The following RALY variants were observed in gnomAD, a reference collection of about 807,000 sequenced individuals.
RALY encodes the protein RNA-binding protein Raly.
Under a neutral mutation model 30.7 loss-of-function variants are expected in RALY, and 15 were observed. That is an observed-to-expected ratio of 0.49 (90% confidence interval 0.33 to 0.75). The LOEUF (loss-of-function observed/expected upper bound fraction) is 0.75, where lower values mean the gene tolerates loss of function less well. Among genes scored for constraint, RALY ranks in the 30% least tolerant of loss-of-function variants. The pLI is 0.02. For missense variants in RALY, 339 were observed against 414.3 expected, an observed-to-expected ratio of 0.82 and a Z score of 1.58; for synonymous variants, 177 against 170.8, an observed-to-expected ratio of 1.04 and a Z score of -0.28.
chr20:34,043,844 T>C (rs1457344140), intron 2 of RALY, among the ~76,000 whole-genome samples: 1 of 152,020 alleles, frequency 6.6e-6, no homozygotes, highest in African/African-American at 2.4e-5. Flanking sequence ...GAGCCTGTAG[T>C]TGATGAAGAA....
intron 2 of RALY, among the ~76,000 whole-genome samples, chr20:34,054,815 CAAAA>C (rs771028871): frequency 1.8e-5 from 2 of 110,790 alleles, no homozygotes; most frequent in Non-Finnish European, 4.0e-5. Flanking sequence ...GAGACTGTCT[CAAAA>C]AAAAAAAAAA....
chr20:34,047,830 C>G (rs2032935474), intron 2 of RALY, among the ~76,000 whole-genome samples: 2 of 152,120 alleles, frequency 1.3e-5, no homozygotes, highest in South Asian at 4.1e-4. Context: ...GCTGTTAGCT[C>G]TTTGAAGGCC....
intron 1 of RALY, among the ~76,000 whole-genome samples, chr20:34,026,504 G>C (rs1026450966): frequency 6.8e-6 from 1 of 147,768 alleles, no homozygotes; most frequent in African/African-American, 2.4e-5. Context: ...CCGGGTTCAC[G>C]CCATTCTCCT....
At chr20:34,006,010 G>C (rs965154069) in intron 1 of RALY, among the ~76,000 whole-genome samples, 2 of 152,164 alleles carry the variant, frequency 1.3e-5, no homozygotes, top group Non-Finnish European at 2.9e-5. Flanking sequence ...GTCATTGGTT[G>C]CTTCCAAATT....
intron 1 of RALY, among the ~76,000 whole-genome samples, chr20:34,029,363 G>C (rs990223576): frequency 6.6e-6 from 1 of 151,948 alleles, no homozygotes; most frequent in African/African-American, 2.4e-5. Context: ...CTTGAACCCG[G>C]GGGGCCGGGG....
chr20:34,002,674 T>C (rs1402260905), intron 1 of RALY, among the ~76,000 whole-genome samples: 1 of 152,178 alleles, frequency 6.6e-6, no homozygotes, highest in Non-Finnish European at 1.5e-5. Flanking sequence ...TATCCTCTGT[T>C]GCTAAGGTGT....
intron 6 of RALY, chr20:34,076,332 A>G (rs2033876813): frequency 1.9e-6 from 1 of 515,104 alleles, no homozygotes; most frequent in Admixed American, 3.3e-5. Flanking sequence ...CCATTACTCC[A>G]CATTCACTCT....
intron 2 of RALY, among the ~76,000 whole-genome samples, chr20:34,032,586 G>C (rs372342386): frequency 2.0e-5 from 3 of 151,658 alleles, no homozygotes; most frequent in African/African-American, 4.8e-5. Flanking sequence ...TCCTGGGCTC[G>C]TGTGATTCAA....
At chr20:34,048,916 C>A (rs1281671493) in intron 2 of RALY, among the ~76,000 whole-genome samples, 16 of 151,050 alleles carry the variant, frequency 1.1e-4, no homozygotes, top group Admixed American at 9.9e-4. Context: ...GTGTTTCATT[C>A]ATTCAGCCTT....
intron 2 of RALY, among the ~76,000 whole-genome samples, chr20:34,057,795 A>G (rs560573088): frequency 4.8e-4 from 73 of 152,288 alleles, no homozygotes; most frequent in African/African-American, 1.7e-3. Flanking sequence ...GAGGGGGGCT[A>G]CATTCTAAAA....
intron 1 of RALY, among the ~76,000 whole-genome samples, chr20:34,021,388 C>A (rs371431077): frequency 6.6e-6 from 1 of 152,140 alleles, no homozygotes; most frequent in Non-Finnish European, 1.5e-5. Flanking sequence ...ATCAAGGGGC[C>A]GCCCGCATCT....
At chr20:34,002,449 C>A (rs553432611) in intron 1 of RALY, among the ~76,000 whole-genome samples, 1 of 152,318 alleles carries the variant, frequency 6.6e-6, no homozygotes, top group South Asian at 2.1e-4. Context: ...TTCCTGTCCA[C>A]AAATTACTTT....
At chr20:34,032,172 A>C (rs2032308207) in intron 2 of RALY, among the ~76,000 whole-genome samples, 3 of 152,184 alleles carry the variant, frequency 2.0e-5, no homozygotes, top group Non-Finnish European at 4.4e-5. Flanking sequence ...CACGTTGGTC[A>C]GACTGGTCTC....
At chr20:34,013,444 C>T (rs967265508) in intron 1 of RALY, among the ~76,000 whole-genome samples, 1 of 148,310 alleles carries the variant, frequency 6.7e-6, no homozygotes, top group East Asian at 2.0e-4. Context: ...AAAGGCATTT[C>T]GACTTACAGT....
intron 2 of RALY, among the ~76,000 whole-genome samples, chr20:34,059,621 T>C (rs1193082299): frequency 6.6e-6 from 1 of 152,216 alleles, no homozygotes; most frequent in Non-Finnish European, 1.5e-5. Flanking sequence ...GCCCCAGCGC[T>C]CTACAGGCAA....
intron 2 of RALY, among the ~76,000 whole-genome samples, chr20:34,032,510 T>G (rs76949710): frequency 0.018 from 318 of 18,112 alleles, 2 homozygotes; most frequent in African/African-American, 0.065. Context: ...TTTTGTGTGT[T>G]GGGGGGGGTT....
At chr20:34,069,067 C>G (rs199651293) in intron 2 of RALY, among the ~76,000 whole-genome samples, 1 of 152,196 alleles carries the variant, frequency 6.6e-6, no homozygotes, top group East Asian at 1.9e-4. Context: ...CATACATACA[C>G]TTCCCAAGTC....
chr20:34,031,016 C>T (rs971644078), intron 1 of RALY, among the ~76,000 whole-genome samples: 4 of 150,164 alleles, frequency 2.7e-5, no homozygotes, highest in Admixed American at 6.7e-5. Flanking sequence ...CCTTCCCTCC[C>T]TCTCCCTTTC....
intron 2 of RALY, among the ~76,000 whole-genome samples, chr20:34,040,286 C>T (rs1030648033): frequency 6.6e-6 from 1 of 152,106 alleles, no homozygotes; most frequent in African/African-American, 2.4e-5. Context: ...GAGCCAAGGT[C>T]AGTTGTGCCC....
Sources: allele counts gnomAD v4.1 joint callset (sites outside exome capture counted in the v4.1 genomes callset), GRCh38; gene constraint gnomAD v4.1.1; transcripts MANE v1.5; gene names NCBI Gene and HGNC (gene_info 2026-07-23, HGNC 2026-07-21).